Variants in PCSK2 observed in about 807,000 individuals in gnomAD.
The protein encoded by PCSK2 is neuroendocrine convertase 2.
In PCSK2, 14 loss-of-function variants were observed where a neutral mutation model predicts 69.7. The observed-to-expected ratio is 0.20, with a 90% CI of 0.13 to 0.31. The LOEUF (loss-of-function observed/expected upper bound fraction) is 0.31. Among genes scored for constraint, PCSK2 ranks in the 10% least tolerant of loss-of-function variants. The probability of loss-of-function intolerance (pLI) is 1.00; values close to 1 mark genes in which losing one functional copy is unlikely to be tolerated. For missense variants in PCSK2, 544 were observed against 842.5 expected, an observed-to-expected ratio of 0.65 and a Z score of 4.39; for synonymous variants, 307 against 320.7, an observed-to-expected ratio of 0.96 and a Z score of 0.46.
intron 2 of PCSK2, among the ~76,000 whole-genome samples, chr20:17,273,109 T>C (rs1987933329): frequency 6.6e-6 from 1 of 152,134 alleles, no homozygotes; most frequent in Admixed American, 6.6e-5. Context: ...CACTCAAGTG[T>C]AGACCAAACC....
chr20:17,337,584 T>C (rs868151116), intron 2 of PCSK2, among the ~76,000 whole-genome samples: 2 of 152,110 alleles, frequency 1.3e-5, no homozygotes, highest in Non-Finnish European at 2.9e-5. Flanking sequence ...TTATCTTACT[T>C]TATAAAGATA....
chr20:17,404,501 T>C (rs564940731), intron 5 of PCSK2, among the ~76,000 whole-genome samples: 2 of 152,278 alleles, frequency 1.3e-5, no homozygotes, highest in Admixed American at 6.5e-5. Context: ...ACCATCGCAA[T>C]GTAATGCTCT....
At chr20:17,447,992 T>G (rs1187776697) in intron 8 of PCSK2, among the ~76,000 whole-genome samples, 1 of 152,234 alleles carries the variant, frequency 6.6e-6, no homozygotes, top group Non-Finnish European at 1.5e-5. Context: ...TATCTATTCA[T>G]GTAAGATTAT....
intron 2 of PCSK2, among the ~76,000 whole-genome samples, chr20:17,347,145 T>A (rs1332934847): frequency 1.3e-5 from 2 of 152,228 alleles, no homozygotes; most frequent in Non-Finnish European, 2.9e-5. Context: ...ATACTGTGCA[T>A]TCAGCCATAA....
intron 5 of PCSK2, among the ~76,000 whole-genome samples, chr20:17,369,767 A>G (rs968434967): frequency 3.3e-5 from 5 of 152,238 alleles, no homozygotes; most frequent in Non-Finnish European, 5.9e-5. Flanking sequence ...ACCTGATGAT[A>G]TTGAATTGAA....
At chr20:17,472,715 C>G (rs1226028232) in intron 11 of PCSK2, among the ~76,000 whole-genome samples, 1 of 152,084 alleles carries the variant, frequency 6.6e-6, no homozygotes, top group East Asian at 1.9e-4. Context: ...TACAGGCATC[C>G]ACCACCAAAC....
intron 1 of PCSK2, among the ~76,000 whole-genome samples, chr20:17,249,315 G>A (rs1368405705): frequency 6.6e-6 from 1 of 151,866 alleles, no homozygotes; most frequent in Non-Finnish European, 1.5e-5. Context: ...GACCATCCTG[G>A]CTAACATGGT....
intron 3 of PCSK2, 27 bp from the exon 4 acceptor site, chr20:17,360,505 T>A: frequency 7.1e-7 from 1 of 1,406,306 alleles, no homozygotes; most frequent in Non-Finnish European, 1.0e-6. Flanking sequence ...ACTAATACCA[T>A]TCTCTGCTTT....
chr20:17,441,926 G>A (rs546810233), intron 8 of PCSK2, among the ~76,000 whole-genome samples: 2 of 151,840 alleles, frequency 1.3e-5, no homozygotes, highest in East Asian at 3.9e-4. Flanking sequence ...TTTGGAAATA[G>A]GGTCATTGCA....
intron 5 of PCSK2, among the ~76,000 whole-genome samples, chr20:17,374,419 C>T (rs1318691367): frequency 6.6e-6 from 1 of 152,154 alleles, no homozygotes; most frequent in African/African-American, 2.4e-5. Context: ...TAGGTGGCAG[C>T]TTTCAGGGCA....
At chr20:17,471,500 A>T (rs759805715) in intron 11 of PCSK2, among the ~76,000 whole-genome samples, 2 of 152,198 alleles carry the variant, frequency 1.3e-5, no homozygotes, top group Non-Finnish European at 2.9e-5. Flanking sequence ...TAGACAGGTG[A>T]TAAATATTTT....
chr20:17,335,225 G>C (rs12480658), intron 2 of PCSK2, among the ~76,000 whole-genome samples: 92,880 of 151,508 alleles, frequency 0.61, 29,487 homozygotes, highest in East Asian at 0.97. Context: ...AACAGGGCTG[G>C]ATGTCCAAGA....
At chr20:17,359,047 C>T (rs16999002) in intron 3 of PCSK2, among the ~76,000 whole-genome samples, 2,356 of 152,252 alleles carry the variant, frequency 0.015, 60 homozygotes, top group African/African-American at 0.053. Flanking sequence ...TTTGGATTGG[C>T]CAAGCTATGT....
Position 17,387,527 on chromosome 20 carries a change from G to A in PCSK2, c.543+18250G>A, listed in dbSNP as rs1054459179. On this transcript the variant is annotated intron_variant, in intron 5 of 11. Coordinates refer to ENST00000262545, the MANE Select transcript of PCSK2 (RefSeq NM_002594.5). ...AGGAGGCCTCAGTTCCTCCTTGCAC[G>A]TAGCTCTCCACAAACTGCTTGAGCA... Among the ~76,000 whole-genome samples, 10 of 152,138 alleles carry A rather than the reference G, an allele frequency of 6.6e-5. No homozygotes were observed. The East Asian group carries it at 9.6e-4, about 15-fold the overall frequency.
chr20:17,288,731 A>G (rs1054343009), intron 2 of PCSK2, among the ~76,000 whole-genome samples: 2 of 152,244 alleles, frequency 1.3e-5, no homozygotes, highest in Non-Finnish European at 2.9e-5. Context: ...GGCCATCTGC[A>G]ACCCACAGAC....
intron 6 of PCSK2, among the ~76,000 whole-genome samples, chr20:17,412,133 C>T (rs1440534718): frequency 1.3e-5 from 2 of 152,180 alleles, no homozygotes; most frequent in Non-Finnish European, 2.9e-5. Context: ...CTCCAAAGGA[C>T]CGCAGCTCCT....
chr20:17,369,169 G>A (rs1452354233), intron 4 of PCSK2, 71 bp from the exon 5 acceptor site: 3 of 1,398,606 alleles, frequency 2.1e-6, no homozygotes, highest in African/African-American at 1.4e-5. Flanking sequence ...GCACTTTCTT[G>A]GGCAGCTTTC....
intron 2 of PCSK2, among the ~76,000 whole-genome samples, chr20:17,309,920 G>A (rs6034794): frequency 0.35 from 52,171 of 150,882 alleles, 9,505 homozygotes; most frequent in East Asian, 0.57. Context: ...AAAGGGAAGG[G>A]GAAGGGGAAG....
At chr20:17,318,093 A>G (rs1254546047) in intron 2 of PCSK2, among the ~76,000 whole-genome samples, 1 of 152,182 alleles carries the variant, frequency 6.6e-6, no homozygotes, top group Non-Finnish European at 1.5e-5. Flanking sequence ...GCACGACTGG[A>G]TGTGTTCTAA....
Sources: gnomAD v4.1 joint callset for allele counts (sites outside exome capture counted in the v4.1 genomes callset) on GRCh38, gnomAD v4.1.1 for gene constraint, MANE v1.5 for transcripts, NCBI Gene and HGNC (gene_info 2026-07-23, HGNC 2026-07-21) for gene names.